Variants in ROBO1 observed in about 807,000 individuals in gnomAD.
ROBO1 encodes roundabout guidance receptor 1.
ROBO1 carries 149 observed loss-of-function variants against 195.9 expected under a neutral mutation model. The ratio of observed to expected loss-of-function variants is 0.76; its 90% CI spans 0.67 to 0.87. The LOEUF (loss-of-function observed/expected upper bound fraction) is 0.87, where lower values mean the gene tolerates loss of function less well. Ranked by LOEUF, ROBO1 falls within the 40% of genes least tolerant of loss-of-function variation. ROBO1 has a pLI of 0.00. For missense variants in ROBO1, 1,933 were observed against 2,068.3 expected, an observed-to-expected ratio of 0.93 and a Z score of 1.27; for synonymous variants, 816 against 733.2, an observed-to-expected ratio of 1.11 and a Z score of -1.82.
At chr3:79,716,235 T>G (rs1408831938) in intron 1 of ROBO1, among the ~76,000 whole-genome samples, 1 of 151,978 alleles carries the variant, frequency 6.6e-6, no homozygotes, top group African/African-American at 2.4e-5. Flanking sequence ...TATATTACAT[T>G]ATAGGAAATA....
chr3:79,486,409 T>C (rs1939163885), intron 2 of ROBO1, among the ~76,000 whole-genome samples: 1 of 152,142 alleles, frequency 6.6e-6, no homozygotes, highest in Non-Finnish European at 1.5e-5. Context: ...TGTTAAACTT[T>C]TATTCTCTAC....
chr3:79,737,821 G>A (rs1318311434), intron 1 of ROBO1, among the ~76,000 whole-genome samples: 2 of 152,152 alleles, frequency 1.3e-5, no homozygotes, highest in African/African-American at 4.8e-5. Context: ...AAGGAATAAA[G>A]CTGCTTTAAT....
chr3:79,765,038 G>A (rs989671098), intron 1 of ROBO1, among the ~76,000 whole-genome samples: 7 of 152,164 alleles, frequency 4.6e-5, no homozygotes, highest in African/African-American at 1.4e-4. Context: ...TCAAGGACAG[G>A]CTAAGGGAAG....
At position 79,262,776 on chromosome 3, in the gene ROBO1, G is replaced by A. The variant is rs79395407; in HGVS notation, c.89-137237C>T. 9.9e-4 allele frequency among the ~76,000 whole-genome samples: 150 copies of A among 151,926 alleles called. 1 individual carries two copies. The East Asian group carries it at 0.027, about 27-fold the overall frequency. On this transcript the variant is annotated intron_variant, in intron 2 of 30. Coordinates refer to ENST00000464233, the MANE Select transcript of ROBO1 (RefSeq NM_002941.4). ...TTTAAATGATAAAAAAATAAGTATC[G>A]ACAGAATACACAATGTAAAGTCGTT...
chr3:78,786,954 A>G (rs1213149322), intron 4 of ROBO1, among the ~76,000 whole-genome samples: 1 of 152,222 alleles, frequency 6.6e-6, no homozygotes, highest in African/African-American at 2.4e-5. Flanking sequence ...TCAACGAGCC[A>G]GCATTCAAAC....
At chr3:79,125,626 A>T (rs1474052076) in intron 2 of ROBO1, 87 bp from the exon 3 acceptor site, 1 of 962,666 alleles carries the variant, frequency 1.0e-6, no homozygotes, top group Non-Finnish European at 1.6e-6. Context: ...AGACACAAGT[A>T]AATCCACATG....
At chr3:79,683,558 TACAAACAAACAA>T (rs542954673) in intron 1 of ROBO1, among the ~76,000 whole-genome samples, 1 of 152,078 alleles carries the variant, frequency 6.6e-6, no homozygotes, top group Admixed American at 6.6e-5. Flanking sequence ...TGTTTATCAC[TACAAACAAACAA>T]ACAAACAAAC....
intron 2 of ROBO1, among the ~76,000 whole-genome samples, chr3:79,439,610 A>G (rs1043823457): frequency 6.6e-6 from 1 of 152,150 alleles, no homozygotes; most frequent in African/African-American, 2.4e-5. Context: ...CTGAAGAAGC[A>G]ACAAGATAAA....
At chr3:79,756,849 A>G (rs1327282616) in intron 1 of ROBO1, among the ~76,000 whole-genome samples, 1 of 152,046 alleles carries the variant, frequency 6.6e-6, no homozygotes, top group African/African-American at 2.4e-5. Context: ...CCACCATTCT[A>G]CTTTGTATCT....
intron 1 of ROBO1, among the ~76,000 whole-genome samples, chr3:79,642,603 A>G (rs190420653): frequency 6.6e-6 from 1 of 152,284 alleles, no homozygotes; most frequent in African/African-American, 2.4e-5. Flanking sequence ...ATAGACTAAG[A>G]AGAAGTGAGA....
intron 28 of ROBO1, among the ~76,000 whole-genome samples, chr3:78,611,115 T>C (rs1454033949): frequency 6.6e-6 from 1 of 152,162 alleles, no homozygotes; most frequent in Non-Finnish European, 1.5e-5. Context: ...GTATAATGCA[T>C]GTAAAGTAAC....
chr3:79,715,313 A>G (rs1244807646), intron 1 of ROBO1, among the ~76,000 whole-genome samples: 1 of 152,124 alleles, frequency 6.6e-6, no homozygotes, highest in African/African-American at 2.4e-5. Context: ...TGTTTTTGTG[A>G]AAGGAAGAGC....
chr3:79,427,126 A>G (rs933454480), intron 2 of ROBO1, among the ~76,000 whole-genome samples: 2 of 152,148 alleles, frequency 1.3e-5, no homozygotes, highest in Non-Finnish European at 2.9e-5. Flanking sequence ...CTTTCTAATT[A>G]TAAATTTAGA....
chr3:79,038,594 T>C (rs1480088846), intron 3 of ROBO1, among the ~76,000 whole-genome samples: 1 of 152,126 alleles, frequency 6.6e-6, no homozygotes, highest in African/African-American at 2.4e-5. Context: ...GTAATTTTTT[T>C]CCTCATCTCA....
At chr3:78,956,762 A>G (rs774367703) in intron 3 of ROBO1, among the ~76,000 whole-genome samples, 4 of 152,310 alleles carry the variant, frequency 2.6e-5, no homozygotes, top group Non-Finnish European at 5.9e-5. Context: ...GAAATCCACA[A>G]GGGAAGGGAG....
chr3:79,725,362 G>A (rs1000841978), intron 1 of ROBO1, among the ~76,000 whole-genome samples: 2 of 151,436 alleles, frequency 1.3e-5, no homozygotes. Flanking sequence ...GAGTAGCTGG[G>A]ACTACAGGCG....
chr3:79,586,624 C>A (rs1374773596), intron 2 of ROBO1, among the ~76,000 whole-genome samples: 5 of 151,706 alleles, frequency 3.3e-5, no homozygotes, highest in African/African-American at 4.8e-5. Flanking sequence ...TAAAATATTG[C>A]AATATAAACC....
chr3:79,397,469 A>C (rs2037199208), intron 2 of ROBO1, among the ~76,000 whole-genome samples: 1 of 152,178 alleles, frequency 6.6e-6, no homozygotes, highest in Non-Finnish European at 1.5e-5. Flanking sequence ...AAAAAGAATC[A>C]GCACACTGGA....
At chr3:78,913,700 G>A (rs2038389894) in intron 4 of ROBO1, among the ~76,000 whole-genome samples, 1 of 151,828 alleles carries the variant, frequency 6.6e-6, no homozygotes, top group Admixed American at 6.6e-5. Context: ...TTCAACTTGT[G>A]AAATGTTAGA....
Sources: allele counts gnomAD v4.1 joint callset (sites outside exome capture counted in the v4.1 genomes callset), GRCh38; gene constraint gnomAD v4.1.1; transcripts MANE v1.5; gene names NCBI Gene and HGNC (gene_info 2026-07-23, HGNC 2026-07-21).